SPRTN: variants seen among roughly 807,000 people sequenced by gnomAD.
The protein encoded by SPRTN is SprT-like N-terminal domain, also known as DNA-dependent metalloprotease SPRTN.
In SPRTN, 11 loss-of-function variants were observed where a neutral mutation model predicts 31.9. The observed-to-expected ratio is 0.34, with a 90% CI of 0.22 to 0.57. The LOEUF (loss-of-function observed/expected upper bound fraction) is 0.57. Ranked by LOEUF, SPRTN falls within the 20% of genes least tolerant of loss-of-function variation. SPRTN has a pLI of 0.86. For missense variants in SPRTN, 482 were observed against 590.1 expected, an observed-to-expected ratio of 0.82 and a Z score of 1.90; for synonymous variants, 185 against 212.1, an observed-to-expected ratio of 0.87 and a Z score of 1.11.
intron 2 of SPRTN, among the ~76,000 whole-genome samples, chr1:231,345,303 T>C (rs1418192214): frequency 6.6e-6 from 1 of 152,054 alleles, no homozygotes; most frequent in African/African-American, 2.4e-5. Context: ...AATTTTTGTG[T>C]GTTTAGTAGA....
Position 231,354,135 on chromosome 1 carries a change from C to A in SPRTN, c.*774C>A. ...AAGTAACTGATACATATAACATAAACATAACAAAGTTGCCTAGTTGATGTA... is the reference window on the plus strand; with the variant it reads ...AAGTAACTGATACATATAACATAAAAATAACAAAGTTGCCTAGTTGATGTA... On this transcript the variant is annotated 3_prime_UTR_variant, in exon 5 of 5. Transcript: ENST00000295050. The A allele has an allele frequency of 8.1e-6, 8 of 985,166 alleles. No individual in the cohort carries two copies. The highest frequency in any genetic ancestry group is 9.6e-6 in the Non-Finnish European group (8 of 829,754). 61.0% of individuals were successfully genotyped at this position (985,166 alleles called of 1,614,324 possible). A position where few individuals can be genotyped will look rare whatever the true frequency, so the allele number is the denominator to read the frequency against.
chr1:231,351,306 A>G lies in SPRTN; in HGVS notation c.453A>G (p.Val151=), dbSNP rs757663422. The change falls in exon 4 of 5, where the codon GTA becomes GTG. Residue 151 remains valine (V), a splice_region_variant and synonymous_variant. Transcript: ENST00000295050. The part of the protein sequence containing the change: ...INSLTGANIT[V]YHTFHDEVDE... ...CTAAAAATTCTGTCTCCACTCAGGT[A>G]TACCATACTTTTCACGATGAGGTGG... 14 of 1,601,956 alleles carry G rather than the reference A, an allele frequency of 8.7e-6. No individual in the cohort carries two copies. The South Asian group carries it at 1.6e-4, about 18-fold the overall frequency.
rs142741946 is a variant in SPRTN, at chr1:231,351,529, G to C, written c.676G>C (p.Ala226Pro). 40 of 1,614,130 alleles carry C rather than the reference G, an allele frequency of 2.5e-5. No individual in the cohort carries two copies. The African/African-American group carries it at 4.3e-4, about 17-fold the overall frequency. ...TTACTCAAAAAAAGGCAAAGGAAAG[G>C]CAAAACTAGGAAAGGAACCAGTATT... ...ENYSKKGKGK[A>P]KLGKEPVLAA... The change falls in exon 4 of 5, where the codon GCA becomes CCA. Residue 226 changes from alanine (A) to proline (P), a missense_variant. Around this residue, in one of 2 missense-constraint regions of SPRTN, gnomAD observed 325 missense variants for 350.2 expected, o/e 0.93. Transcript: ENST00000295050.
At chr1:231,340,884 G>A (rs1399669856) in intron 2 of SPRTN, among the ~76,000 whole-genome samples, 1 of 152,100 alleles carries the variant, frequency 6.6e-6, no homozygotes, top group Non-Finnish European at 1.5e-5. Context: ...AAACATGCTT[G>A]GAGATGAGAG....
chr1:231,354,105 CTGA>C lies in SPRTN; in HGVS notation c.*746_*748del. ...TTAGCAGAGTGGTTAAAATTCTGTGCTGATAAGTAACTGATACATATAACATAA... is the reference window on the plus strand; with the variant it reads ...TTAGCAGAGTGGTTAAAATTCTGTGCTAAGTAACTGATACATATAACATAA... On this transcript the variant is annotated 3_prime_UTR_variant, in exon 5 of 5. Transcript: ENST00000295050. The C allele has an allele frequency of 9.1e-6, 9 of 984,970 alleles. No individual in the cohort carries two copies. The highest frequency in any genetic ancestry group is 1.1e-5 in the Non-Finnish European group (9 of 829,566). The allele number at this position is 984,970 out of a possible 1,614,324, so 61.0% of individuals were successfully genotyped here.
chr1:231,338,825 G>T (rs1686772408), intron 1 of SPRTN, among the ~76,000 whole-genome samples: 1 of 152,162 alleles, frequency 6.6e-6, no homozygotes, highest in South Asian at 2.1e-4. Flanking sequence ...ACACCGCCAC[G>T]GTTGGACTCA....
intron 2 of SPRTN, among the ~76,000 whole-genome samples, chr1:231,346,417 G>C (rs1396271038): frequency 1.3e-5 from 2 of 150,244 alleles, no homozygotes; most frequent in East Asian, 3.9e-4. Context: ...ATGTTGAGCA[G>C]GATGGTCTCA....
intron 2 of SPRTN, chr1:231,340,197 CA>C (rs111840521): frequency 0.043 from 6,736 of 156,202 alleles, 208 homozygotes; most frequent in African/African-American, 0.1. Flanking sequence ...CCCGTCTCTA[CA>C]AAAAAAAAAA....
chr1:231,346,662 T>C (rs1450334718), intron 2 of SPRTN, among the ~76,000 whole-genome samples: 1 of 152,142 alleles, frequency 6.6e-6, no homozygotes, highest in Non-Finnish European at 1.5e-5. Flanking sequence ...TAAAGTTTTG[T>C]CTGGGTGCAG....
chr1:231,353,509 A>G lies in SPRTN; in HGVS notation c.*148A>G. The G allele has an allele frequency of 7.3e-7, 1 of 1,363,518 alleles. No homozygotes were observed. The allele number at this position is 1,363,518 out of a possible 1,614,324, so 84.5% of individuals were successfully genotyped here. A position where few individuals can be genotyped will look rare whatever the true frequency, so the allele number is the denominator to read the frequency against. On this transcript the variant is annotated 3_prime_UTR_variant, in exon 5 of 5. Coordinates refer to ENST00000295050, the MANE Select transcript of SPRTN (RefSeq NM_032018.7). ...AAAGTGTCCTATTTTATATATACGC[A>G]TATAAGATTGTAATTTTAAGATGTT...
chr1:231,340,114 A>G, intron 2 of SPRTN: 3 of 310,790 alleles, frequency 9.7e-6, no homozygotes, highest in Non-Finnish European at 1.8e-5. Context: ...TGTAATCCCG[A>G]CACTTTGGGA....
chr1:231,352,512 C>A, intron 4 of SPRTN, 98 bp from the exon 5 acceptor site: 3 of 1,493,234 alleles, frequency 2.0e-6, no homozygotes, highest in Non-Finnish European at 2.7e-6. Context: ...AATACTAGTT[C>A]TTCATTTTGA....
intron 2 of SPRTN, among the ~76,000 whole-genome samples, chr1:231,340,908 G>C (rs1054831425): frequency 3.9e-5 from 6 of 152,112 alleles, no homozygotes; most frequent in Admixed American, 3.9e-4. Flanking sequence ...CTGTTTTTAA[G>C]GATAATAAAA....
intron 1 of SPRTN, chr1:231,339,530 A>G: frequency 2.8e-6 from 2 of 714,322 alleles, no homozygotes; most frequent in South Asian, 1.5e-5. Flanking sequence ...CTTCTCAAGC[A>G]GGGTGGTGAG....
chr1:231,345,195 C>T (rs1687017299), intron 2 of SPRTN, among the ~76,000 whole-genome samples: 1 of 150,948 alleles, frequency 6.6e-6, no homozygotes, highest in Admixed American at 6.6e-5. Flanking sequence ...GATCTCGGCT[C>T]ACTGCAACCT....
At position 231,349,161 on chromosome 1, in the gene SPRTN, A is replaced by G. The variant is rs543841268; in HGVS notation, c.450+1236A>G. 7.0e-4 allele frequency among the ~76,000 whole-genome samples: 106 copies of G among 151,648 alleles called. 1 individual carries two copies. The highest frequency in any genetic ancestry group is 2.5e-3 in the African/African-American group (103 of 41,378). On this transcript the variant is annotated intron_variant, in intron 3 of 4. Transcript: ENST00000295050. The stretch of plus-strand genomic sequence containing the variant: ...AATTTAAAAAAAAATTTTTTTTTTT[A>G]GAGACAGGGTCTCACCATGTTGCCC...
Position 231,345,667 on chromosome 1 carries a change from A to G in SPRTN, c.322-2130A>G, listed in dbSNP as rs373926240. 2.4e-4 allele frequency among the ~76,000 whole-genome samples: 36 copies of G among 152,306 alleles called. 1 individual carries two copies. The East Asian group carries it at 4.2e-3, about 18-fold the overall frequency. On this transcript the variant is annotated intron_variant, in intron 2 of 4. Transcript: ENST00000295050. ...ACAAATGCATTTGTAATTTTGTTAG[A>G]TGCTACCAAATTTTCCATAGGAGAA... is the stretch of plus-strand genomic sequence containing the variant.
At chr1:231,349,690 C>T (rs1035813772) in intron 3 of SPRTN, among the ~76,000 whole-genome samples, 3 of 152,030 alleles carry the variant, frequency 2.0e-5, no homozygotes, top group African/African-American at 4.8e-5. Context: ...CATTCCCAAG[C>T]GTTAGGAGTT....
intron 3 of SPRTN, among the ~76,000 whole-genome samples, chr1:231,348,354 G>A (rs1687126500): frequency 6.6e-6 from 1 of 152,118 alleles, no homozygotes; most frequent in Non-Finnish European, 1.5e-5. Flanking sequence ...CAAAAAGCTG[G>A]AGGCGTCAGG....
Sources: gnomAD v4.1 joint callset for allele counts (sites outside exome capture counted in the v4.1 genomes callset) on GRCh38, gnomAD v4.1.1 for gene constraint, gnomAD v4.1.1 regional missense constraint, MANE v1.5 for transcripts, NCBI Gene and HGNC (gene_info 2026-07-23, HGNC 2026-07-21) for gene names.